The following IPO11 variants were observed in gnomAD, a reference collection of about 807,000 sequenced individuals.
The protein encoded by IPO11 is importin 11, also known as importin-11.
A neutral mutation model predicts 143.2 loss-of-function variants in IPO11; 66 were observed. That is an observed-to-expected ratio of 0.46 (90% CI 0.38 to 0.57). IPO11 has a LOEUF of 0.57. IPO11 is among the 20% of genes least tolerant of loss of function. The probability of loss-of-function intolerance (pLI) is 0.00; values close to 1 mark genes in which losing one functional copy is unlikely to be tolerated. For synonymous variants in IPO11, 385 were observed against 377.8 expected, an observed-to-expected ratio of 1.02 and a Z score of -0.22; for missense variants, 1,026 against 1,141.0, an observed-to-expected ratio of 0.90 and a Z score of 1.45.
chr5:62,589,541 A>T (rs561224955), intron 27 of IPO11, among the ~76,000 whole-genome samples: 4 of 152,128 alleles, frequency 2.6e-5, no homozygotes, highest in Admixed American at 2.6e-4. Flanking sequence ...TTACCCATTA[A>T]ACATCTGTCA....
chr5:62,431,159 T>C (rs926032973), intron 1 of IPO11, among the ~76,000 whole-genome samples: 5 of 151,556 alleles, frequency 3.3e-5, no homozygotes, highest in Non-Finnish European at 5.9e-5. Context: ...TTTATATTTT[T>C]AGTAGAGATG....
rs1270169982 is a variant in IPO11, at chr5:62,628,163, T to TA, written c.*846dup. 2.0e-5 allele frequency: 3 copies of TA among 152,110 alleles called. No individual in the cohort carries two copies. The highest frequency in any genetic ancestry group is 4.4e-5 in the Non-Finnish European group (3 of 68,006). The allele number at this position is 152,110 out of a possible 1,614,324, so 9.4% of individuals were successfully genotyped here. On this transcript the variant is annotated 3_prime_UTR_variant, in exon 30 of 30. Transcript: ENST00000325324. ...TGGCTATGACAGACTGTTTAGTACT[T>TA]ACCCTTCTCAGGTTCCTCAGTGCAG...
intron 9 of IPO11, 152 bp downstream of exon 9, chr5:62,476,905 T>C: frequency 1.3e-6 from 1 of 781,582 alleles, no homozygotes; most frequent in South Asian, 3.1e-5. Flanking sequence ...TGCTTTTATA[T>C]GTACTTTAGA....
At chr5:62,599,789 A>T (rs753924547) in intron 28 of IPO11, among the ~76,000 whole-genome samples, 1 of 152,178 alleles carries the variant, frequency 6.6e-6, no homozygotes, top group Non-Finnish European at 1.5e-5. Context: ...CTGCATGCAC[A>T]GTCTACACAC....
chr5:62,566,841 A>AAT (rs1010432079), intron 27 of IPO11, among the ~76,000 whole-genome samples: 26 of 151,722 alleles, frequency 1.7e-4, no homozygotes, highest in Admixed American at 1.6e-3. Flanking sequence ...GTTTAAAAAG[A>AAT]ATATATATAT....
intron 29 of IPO11, among the ~76,000 whole-genome samples, chr5:62,606,878 T>C (rs1174648487): frequency 1.3e-5 from 2 of 152,260 alleles, no homozygotes; most frequent in African/African-American, 4.8e-5. Context: ...CTCCAGCATA[T>C]GTAAGTAAAC....
At chr5:62,524,248 A>C (rs557051064) in intron 20 of IPO11, among the ~76,000 whole-genome samples, 11 of 152,214 alleles carry the variant, frequency 7.2e-5, no homozygotes, top group African/African-American at 2.6e-4. Flanking sequence ...TGATTAAGAC[A>C]GTGTGTTATA....
chr5:62,611,631 C>T (rs1214795982), intron 29 of IPO11, among the ~76,000 whole-genome samples: 1 of 152,108 alleles, frequency 6.6e-6, no homozygotes, highest in Non-Finnish European at 1.5e-5. Flanking sequence ...TTACTAAAAA[C>T]CTTAATTGTG....
intron 3 of IPO11, among the ~76,000 whole-genome samples, chr5:62,443,642 A>C (rs770202856): frequency 3.3e-5 from 5 of 152,064 alleles, no homozygotes; most frequent in Non-Finnish European, 7.4e-5. Context: ...GGAAGAAAAA[A>C]AAAGCCATTC....
chr5:62,600,253 C>T (rs371636003), intron 28 of IPO11, among the ~76,000 whole-genome samples: 6 of 152,116 alleles, frequency 3.9e-5, no homozygotes, highest in African/African-American at 1.4e-4. Context: ...ACCATGTTGT[C>T]CAGGTTGGTC....
chr5:62,449,969 C>T lies in IPO11; in HGVS notation c.282C>T (p.Leu94=), dbSNP rs746286510. 3 of 1,599,280 alleles carry T rather than the reference C, an allele frequency of 1.9e-6. No homozygotes were observed. In the South Asian group the frequency reaches 3.4e-5, roughly 18 times the overall value. The change falls in exon 4 of 30, where the codon CTC becomes CTT. Residue 94 remains leucine (L), a synonymous_variant. Coordinates refer to ENST00000325324, the MANE Select transcript of IPO11 (RefSeq NM_016338.5). The part of the protein sequence containing the change: ...EEEKTTLRAG[L]ITNFNEPINQ... The stretch of plus-strand genomic sequence containing the variant: ...AGAAAACTACTCTGCGTGCAGGGCT[C>T]ATCACCAACTTCAATGAACCAATAA...
chr5:62,441,690 A>G (rs1299673243), intron 2 of IPO11, among the ~76,000 whole-genome samples: 1 of 147,322 alleles, frequency 6.8e-6, no homozygotes, highest in Non-Finnish European at 1.5e-5. Context: ...AATTTTTTGT[A>G]TTTTTAGTAG....
chr5:62,413,123 A>C (rs556147566), intron 1 of IPO11, among the ~76,000 whole-genome samples, 194 bp downstream of exon 1: 12 of 152,288 alleles, frequency 7.9e-5, no homozygotes, highest in African/African-American at 2.9e-4. Flanking sequence ...TGGCCGAGGC[A>C]GCCCGGGAGT....
intron 1 of IPO11, among the ~76,000 whole-genome samples, chr5:62,417,815 A>G (rs1020451167): frequency 3.3e-5 from 5 of 152,218 alleles, no homozygotes; most frequent in African/African-American, 7.2e-5. Context: ...ATTCATGTCA[A>G]AAACGTTGTG....
intron 28 of IPO11, among the ~76,000 whole-genome samples, chr5:62,600,551 T>C (rs761919921): frequency 1.3e-5 from 2 of 152,222 alleles, no homozygotes; most frequent in African/African-American, 2.4e-5. Flanking sequence ...TATTATTCAG[T>C]TCTAAAATAC....
In IPO11 at chr5:62,449,913, T is replaced by C. The variant is rs1234806587; in HGVS notation, c.240-14T>C. On this transcript the variant is annotated splice_polypyrimidine_tract_variant and intron_variant, in intron 3 of 29. Coordinates refer to ENST00000325324, the MANE Select transcript of IPO11 (RefSeq NM_016338.5). The stretch of plus-strand genomic sequence containing the variant: ...GCATTCTTTTGCATAATCAATACTT[T>C]TTTTTTTTTACAGTGCTCTCTCAGA... 4.0e-6 allele frequency: 6 copies of C among 1,497,634 alleles called. No homozygotes were observed. The highest frequency in any genetic ancestry group is 5.4e-6 in the Non-Finnish European group (6 of 1,111,470). The allele number at this position is 1,497,634 out of a possible 1,614,324, so 92.8% of individuals were successfully genotyped here.
At chr5:62,488,450 T>C (rs997113804) in intron 13 of IPO11, among the ~76,000 whole-genome samples, 1 of 152,210 alleles carries the variant, frequency 6.6e-6, no homozygotes, top group African/African-American at 2.4e-5. Context: ...TAGCAACCGA[T>C]TGAATGTGCT....
At chr5:62,600,212 G>C (rs1279920582) in intron 28 of IPO11, among the ~76,000 whole-genome samples, 1 of 152,006 alleles carries the variant, frequency 6.6e-6, no homozygotes, top group African/African-American at 2.4e-5. Flanking sequence ...GCTAGTTTTT[G>C]TATTTTTTCT....
intron 20 of IPO11, among the ~76,000 whole-genome samples, chr5:62,521,933 T>C (rs992001840): frequency 4.6e-5 from 7 of 152,192 alleles, no homozygotes; most frequent in African/African-American, 1.7e-4. Flanking sequence ...ATGCAGTGTT[T>C]TAATTACCAA....
Sources: allele counts gnomAD v4.1 joint callset (sites outside exome capture counted in the v4.1 genomes callset), GRCh38; gene constraint gnomAD v4.1.1; transcripts MANE v1.5; gene names NCBI Gene and HGNC (gene_info 2026-07-23, HGNC 2026-07-21).